ABCC6: variants seen among roughly 807,000 people sequenced by gnomAD.
ABCC6 encodes ATP-binding cassette sub-family C member 6.
In ABCC6, 126 loss-of-function variants were observed where a neutral mutation model predicts 169.5. The observed-to-expected ratio is 0.74, with a 90% confidence interval of 0.64 to 0.86. The LOEUF is 0.86. Ranked by LOEUF, ABCC6 falls within the 40% of genes least tolerant of loss-of-function variation. The pLI is 0.00. For synonymous variants in ABCC6, 752 were observed against 814.7 expected, an observed-to-expected ratio of 0.92 and a Z score of 1.31; for missense variants, 1,733 against 1,927.2, an observed-to-expected ratio of 0.90 and a Z score of 1.89.
At chr16:16,186,389 T>C (rs746786921) in intron 14 of ABCC6, among the ~76,000 whole-genome samples, 36 of 151,924 alleles carry the variant, frequency 2.4e-4, no homozygotes, top group Non-Finnish European at 3.1e-4. Flanking sequence ...CTGGTACCAG[T>C]CTGCAGCCTC....
At chr16:16,203,854 C>G (rs1350361849) in intron 7 of ABCC6, among the ~76,000 whole-genome samples, 1 of 152,058 alleles carries the variant, frequency 6.6e-6, no homozygotes, top group East Asian at 1.9e-4. Flanking sequence ...GGAAAGCACA[C>G]CTGTTGAGCA....
chr16:16,192,308 C>T (rs2047888322), intron 11 of ABCC6, among the ~76,000 whole-genome samples: 3 of 152,032 alleles, frequency 2.0e-5, no homozygotes, highest in South Asian at 2.1e-4. Context: ...CAGCTCAGGG[C>T]GGGCCTGGTG....
At chr16:16,170,945 AGAAAG>A (rs1567486939) in intron 21 of ABCC6, among the ~76,000 whole-genome samples, 18 of 105,240 alleles carry the variant, frequency 1.7e-4, no homozygotes, top group African/African-American at 3.4e-4. Flanking sequence ...AAAAAAAGAA[AGAAAG>A]AAAGAAAGAA....
At chr16:16,189,034 C>G in intron 12 of ABCC6, 60 bp from the exon 13 acceptor site, 1 of 1,593,672 alleles carries the variant, frequency 6.3e-7, no homozygotes, top group Admixed American at 1.7e-5. Context: ...GATAGGGCAG[C>G]CTGGGCAAGC....
At chr16:16,177,161 C>A (rs2047302976) in intron 19 of ABCC6, among the ~76,000 whole-genome samples, 1 of 152,228 alleles carries the variant, frequency 6.6e-6, no homozygotes, top group Non-Finnish European at 1.5e-5. Context: ...TCAGTTTGCT[C>A]ATCTGTAAAA....
chr16:16,150,363 C>T (rs2046352130), intron 30 of ABCC6, 122 bp from the exon 31 acceptor site: 1 of 1,544,308 alleles, frequency 6.5e-7, no homozygotes, highest in Non-Finnish European at 8.8e-7. Flanking sequence ...CCATGCGGCT[C>T]CCTGGCCCTC....
At chr16:16,192,231 G>A (rs1048871047) in intron 11 of ABCC6, among the ~76,000 whole-genome samples, 25 of 152,298 alleles carry the variant, frequency 1.6e-4, no homozygotes, top group African/African-American at 5.5e-4. Flanking sequence ...TTGAGGATGG[G>A]AGATGTGTGG....
In ABCC6 at chr16:16,187,124, C is replaced by T. The variant is rs764724652; in HGVS notation, c.1867G>A (p.Ala623Thr). 2.5e-5 allele frequency: 40 copies of T among 1,612,796 alleles called. No individual in the cohort carries two copies. Among genetic ancestry groups the T allele is most frequent in the South Asian group, 1.2e-4 (11 of 90,934 alleles). ...CCCTCCTGCCAGACTCAGCACTCAC[C>T]GCTTCCAGAGGAACTTGAGTCTACG... ...GVVDSSSSGSAAGKDCITIHS... is the reference protein window; with the variant it reads ...GVVDSSSSGSTAGKDCITIHS... The change falls in exon 14 of 31, where the codon GCT (alanine) becomes ACT (threonine). Residue 623 changes from alanine to threonine, a missense_variant and splice_region_variant. Physicochemically the swap from Ala to Thr is moderately conservative, Grantham distance 58. Transcript: ENST00000205557.
intron 11 of ABCC6, among the ~76,000 whole-genome samples, chr16:16,192,139 A>AGGATC (rs1448855595): frequency 6.6e-6 from 1 of 152,142 alleles, no homozygotes; most frequent in Non-Finnish European, 1.5e-5. Context: ...GAGGTGACAG[A>AGGATC]GGATCTTCGG....
intron 18 of ABCC6, 126 bp from the exon 19 acceptor site, chr16:16,177,752 G>T: frequency 8.8e-7 from 1 of 1,131,148 alleles, no homozygotes; most frequent in Non-Finnish European, 1.3e-6. Context: ...AGACCAGCCT[G>T]GCTGACACGG....
intron 18 of ABCC6, among the ~76,000 whole-genome samples, chr16:16,178,141 C>T (rs928694551): frequency 1.3e-5 from 2 of 152,092 alleles, no homozygotes; most frequent in Admixed American, 1.3e-4. Flanking sequence ...GCCTGGCCAA[C>T]ATGGTGAAAC....
In ABCC6 at chr16:16,221,571, A is replaced by G. The variant is rs375702191; in HGVS notation, c.219+78T>C. ...ACCCCGATAGGAGGAGTCTACTTTA[A>G]GACTTCACCAGGTTCCAGCCTGTCC... On this transcript the variant is annotated intron_variant, in intron 2 of 30. Coordinates refer to ENST00000205557, the MANE Select transcript of ABCC6 (RefSeq NM_001171.6). 4.6e-4 allele frequency: 721 copies of G among 1,564,974 alleles called. 1 individual carries two copies. In the African/African-American group the frequency reaches 8.9e-3, roughly 19 times the overall value.
rs72664215 is a variant in ABCC6, at chr16:16,150,567, G to A, written c.4403+11C>T. 9.3e-6 allele frequency: 15 copies of A among 1,605,298 alleles called. No individual in the cohort carries two copies. The highest frequency in any genetic ancestry group is 4.5e-5 in the East Asian group (2 of 44,630). ...GGCTGCTGTGAGGTCAGGCCGGGGC[G>A]GGAGCCTTACCGGGCACAGTCCATC... On this transcript the variant is annotated intron_variant, in intron 30 of 30. Transcript: ENST00000205557.
chr16:16,151,104 A>G (rs2046375759), intron 29 of ABCC6, among the ~76,000 whole-genome samples: 1 of 149,278 alleles, frequency 6.7e-6, no homozygotes, highest in Non-Finnish European at 1.5e-5. Context: ...TTGCTCTGCC[A>G]CCCAGGCTGG....
At chr16:16,199,363 A>T (rs1567524989) in intron 9 of ABCC6, among the ~76,000 whole-genome samples, 1 of 135,802 alleles carries the variant, frequency 7.4e-6, no homozygotes. Flanking sequence ...GGCAGAGAGA[A>T]GTTGAGCAAC....
intron 19 of ABCC6, among the ~76,000 whole-genome samples, chr16:16,176,915 C>A (rs2047295971): frequency 6.6e-6 from 1 of 152,312 alleles, no homozygotes. Flanking sequence ...TTAGTTGCTA[C>A]TTTTCAGTCA....
chr16:16,175,408 G>C (rs2047246160), intron 20 of ABCC6, among the ~76,000 whole-genome samples: 1 of 152,216 alleles, frequency 6.6e-6, no homozygotes, highest in Non-Finnish European at 1.5e-5. Flanking sequence ...CAGCTCCACA[G>C]TGAGCCCAGC....
chr16:16,153,678 A>G (rs2046453278), intron 29 of ABCC6, among the ~76,000 whole-genome samples: 1 of 151,978 alleles, frequency 6.6e-6, no homozygotes, highest in Non-Finnish European at 1.5e-5. Flanking sequence ...TAATCCCAGC[A>G]CTTTGGGAGG....
At chr16:16,166,509 A>C (rs1338536587) in intron 22 of ABCC6, among the ~76,000 whole-genome samples, 1 of 152,048 alleles carries the variant, frequency 6.6e-6, no homozygotes, top group Non-Finnish European at 1.5e-5. Flanking sequence ...GGGTGTATCT[A>C]CAAGCCAAGG....
Sources: allele counts gnomAD v4.1 joint callset (sites outside exome capture counted in the v4.1 genomes callset), GRCh38; gene constraint gnomAD v4.1.1; transcripts MANE v1.5; gene names NCBI Gene and HGNC (gene_info 2026-07-23, HGNC 2026-07-21).